Variants in RB1 observed in about 807,000 individuals in gnomAD.
RB1 encodes RB transcriptional corepressor 1.
Under a neutral mutation model 135.4 loss-of-function variants are expected in RB1, and 18 were observed. The ratio of observed to expected loss-of-function variants is 0.13; its 90% CI spans 0.09 to 0.20. The LOEUF is 0.20. Among genes scored for constraint, RB1 ranks in the 10% least tolerant of loss-of-function variants. The pLI is 1.00. For synonymous variants in RB1, 365 were observed against 373.2 expected (o/e 0.98, Z 0.25); for missense variants, 868 against 1,110.0 (o/e 0.78, Z 3.10).
At chr13:48,306,927 C>A (rs906583012) in intron 1 of RB1, among the ~76,000 whole-genome samples, 9 of 152,166 alleles carry the variant, frequency 5.9e-5, no homozygotes, top group Non-Finnish European at 1.3e-4. Context: ...ATAATATTAT[C>A]TATGGGTTTT....
intron 19 of RB1, among the ~76,000 whole-genome samples, chr13:48,458,585 C>G (rs916991353): frequency 6.6e-6 from 1 of 152,152 alleles, no homozygotes. Context: ...TAGACCTGCT[C>G]AATCAGAAAC....
At chr13:48,367,118 CAA>C (rs34822911) in intron 9 of RB1, among the ~76,000 whole-genome samples, 3 of 102,354 alleles carry the variant, frequency 2.9e-5, no homozygotes, top group Admixed American at 1.2e-4. Context: ...AACTCCATCT[CAA>C]AAAAAAAAAA....
At chr13:48,350,981 T>C (rs552145871) in intron 6 of RB1, among the ~76,000 whole-genome samples, 1 of 152,336 alleles carries the variant, frequency 6.6e-6, no homozygotes, top group South Asian at 2.1e-4. Flanking sequence ...CATTCTGTCA[T>C]TGATGAGCAT....
At chr13:48,440,438 T>C (rs2138304289) in intron 17 of RB1, among the ~76,000 whole-genome samples, 1 of 152,340 alleles carries the variant, frequency 6.6e-6, no homozygotes, top group Non-Finnish European at 1.5e-5. Context: ...CATTTACTTA[T>C]GTACAAATAG....
chr13:48,415,124 T>G (rs886524685), intron 17 of RB1, among the ~76,000 whole-genome samples: 1 of 152,168 alleles, frequency 6.6e-6, no homozygotes, highest in Admixed American at 6.6e-5. Flanking sequence ...GATCTCATCC[T>G]ACTTTTACTT....
intron 17 of RB1, among the ~76,000 whole-genome samples, chr13:48,409,131 T>A (rs1948765649): frequency 1.3e-5 from 2 of 151,374 alleles, no homozygotes; most frequent in Non-Finnish European, 2.9e-5. Context: ...ACTAGTTTTT[T>A]GGGTTTTTTT....
rs1039235140 is a variant in RB1 at position 48,360,007 on chromosome 13, T to C, written c.608-10T>C. On this transcript the variant is annotated splice_polypyrimidine_tract_variant and intron_variant, in intron 6 of 26. Coordinates refer to ENST00000267163, the MANE Select transcript of RB1 (RefSeq NM_000321.3). Reference sequence around the variant, plus strand: ...CTAACTTTCTTTAAAAATGTACATTTTTTTTTCAGGGGAAGTATTACAAAT... The same window carrying C: ...CTAACTTTCTTTAAAAATGTACATTCTTTTTTCAGGGGAAGTATTACAAAT... The C allele has an allele frequency of 1.9e-6, 3 of 1,611,392 alleles. No homozygotes were observed. Among genetic ancestry groups the C allele is most frequent in the Admixed American group, 1.7e-5 (1 of 59,954 alleles).
chr13:48,473,426 C>T (rs764191028), intron 24 of RB1, 36 bp downstream of exon 24: 1 of 1,488,824 alleles, frequency 6.7e-7, no homozygotes, highest in African/African-American at 1.4e-5. Context: ...TAATAGTATG[C>T]ATTGTAAGTA....
At chr13:48,434,962 A>G (rs1363895888) in intron 17 of RB1, among the ~76,000 whole-genome samples, 1 of 152,210 alleles carries the variant, frequency 6.6e-6, no homozygotes, top group Non-Finnish European at 1.5e-5. Context: ...TTGGCCAGAC[A>G]CATGTTGAAG....
chr13:48,333,701 CT>C (rs1349833412), intron 2 of RB1, among the ~76,000 whole-genome samples: 1 of 150,372 alleles, frequency 6.7e-6, no homozygotes. Flanking sequence ...GGTTCAGTTG[CT>C]GCTTGTTTCT....
intron 13 of RB1, 83 bp from the exon 14 acceptor site, chr13:48,379,511 C>T: frequency 7.0e-7 from 1 of 1,430,368 alleles, no homozygotes; most frequent in Non-Finnish European, 9.3e-7. Context: ...AACAGTGAGA[C>T]TCCATCTCAA....
intron 17 of RB1, among the ~76,000 whole-genome samples, chr13:48,448,142 A>G (rs1489612544): frequency 6.6e-6 from 1 of 152,202 alleles, no homozygotes; most frequent in South Asian, 2.1e-4. Flanking sequence ...ATCCATGGCT[A>G]GGAAGTATAA....
chr13:48,388,811 A>G (rs1161286164), intron 17 of RB1, among the ~76,000 whole-genome samples: 3 of 152,188 alleles, frequency 2.0e-5, no homozygotes, highest in African/African-American at 7.2e-5. Context: ...TGCCTACAAA[A>G]GAGATTGAAA....
chr13:48,317,832 G>A (rs185182046), intron 2 of RB1: 321 of 365,666 alleles, frequency 8.8e-4, no homozygotes, highest in African/African-American at 6.2e-3. Context: ...GCGTGCACAC[G>A]CCAGGCGGTG....
intron 2 of RB1, among the ~76,000 whole-genome samples, chr13:48,337,351 A>G (rs1054345517): frequency 6.6e-6 from 1 of 152,144 alleles, no homozygotes; most frequent in African/African-American, 2.4e-5. Context: ...TGCTTTATGA[A>G]TTTGGGTGCT....
At chr13:48,352,219 T>G (rs1952554549) in intron 6 of RB1, among the ~76,000 whole-genome samples, 1 of 152,212 alleles carries the variant, frequency 6.6e-6, no homozygotes, top group Non-Finnish European at 1.5e-5. Context: ...ATGTGCCTGT[T>G]TTTGTACCAG....
At chr13:48,365,729 A>G (rs973676981) in intron 9 of RB1, among the ~76,000 whole-genome samples, 4 of 152,194 alleles carry the variant, frequency 2.6e-5, no homozygotes, top group African/African-American at 9.7e-5. Flanking sequence ...TTATTAATTC[A>G]ACAAATATTT....
At chr13:48,317,102 C>G (rs1054956600) in intron 2 of RB1, 3 of 904,512 alleles carry the variant, frequency 3.3e-6, no homozygotes, top group Non-Finnish European at 4.5e-6. Context: ...TCTTCGCCAG[C>G]AAGTGTGGGC....
At chr13:48,462,856 T>C (rs1245659430) in intron 20 of RB1, among the ~76,000 whole-genome samples, 1 of 152,206 alleles carries the variant, frequency 6.6e-6, no homozygotes, top group Non-Finnish European at 1.5e-5. Flanking sequence ...TTTTTCTCTC[T>C]TCATTGACAG....
Sources: allele counts gnomAD v4.1 joint callset (sites outside exome capture counted in the v4.1 genomes callset), GRCh38; gene constraint gnomAD v4.1.1; transcripts MANE v1.5; gene names NCBI Gene and HGNC (gene_info 2026-07-23, HGNC 2026-07-21).